Variants in FRMD4B observed in about 807,000 individuals in gnomAD.
The protein encoded by FRMD4B is FERM domain containing 4B.
A neutral mutation model predicts 141.5 loss-of-function variants in FRMD4B; 74 were observed. The ratio of observed to expected loss-of-function variants is 0.52; its 90% CI spans 0.43 to 0.63. The LOEUF is 0.63. Ranked by LOEUF, FRMD4B falls within the 30% of genes least tolerant of loss-of-function variation. FRMD4B has a pLI of 0.00. For synonymous variants in FRMD4B, 506 were observed against 467.9 expected, an observed-to-expected ratio of 1.08 and a Z score of -1.05; for missense variants, 1,366 against 1,253.4, an observed-to-expected ratio of 1.09 and a Z score of -1.36.
intron 1 of FRMD4B, chr3:69,353,513 C>T: frequency 1.1e-6 from 1 of 923,488 alleles, no homozygotes. Context: ...CAGTCTGCAA[C>T]TGGAAGATCA....
intron 1 of FRMD4B, among the ~76,000 whole-genome samples, chr3:69,514,681 C>A (rs1175106062): frequency 7.4e-5 from 10 of 134,658 alleles, no homozygotes; most frequent in Non-Finnish European, 1.4e-4. Flanking sequence ...GAGCAAGACT[C>A]CATCTTAAAT....
intron 1 of FRMD4B, chr3:69,536,440 G>A (rs1168295682): frequency 1.3e-5 from 9 of 707,316 alleles, no homozygotes; most frequent in East Asian, 5.5e-5. Flanking sequence ...GACGTCCACC[G>A]TTGGGTACTT....
intron 1 of FRMD4B, among the ~76,000 whole-genome samples, chr3:69,348,312 T>A (rs1346886878): frequency 6.6e-6 from 1 of 151,906 alleles, no homozygotes; most frequent in Non-Finnish European, 1.5e-5. Context: ...AAAAGACCAA[T>A]AAGAGGCTCT....
chr3:69,333,634 T>C (rs1702450736), intron 1 of FRMD4B, among the ~76,000 whole-genome samples: 1 of 152,246 alleles, frequency 6.6e-6, no homozygotes, highest in African/African-American at 2.4e-5. Flanking sequence ...CAATTGGGAC[T>C]GTTTTTTCCC....
chr3:69,534,273 T>C (rs1701049347), intron 1 of FRMD4B, among the ~76,000 whole-genome samples: 1 of 152,270 alleles, frequency 6.6e-6, no homozygotes, highest in Non-Finnish European at 1.5e-5. Flanking sequence ...AGCCTCATCC[T>C]AAGCAATACT....
In FRMD4B at chr3:69,171,644, C is replaced by T. The variant is rs543555068; in HGVS notation, c.*217G>A. On this transcript the variant is annotated 3_prime_UTR_variant, in exon 23 of 23. Coordinates refer to ENST00000398540, the MANE Select transcript of FRMD4B (RefSeq NM_015123.3). Reference sequence around the variant, plus strand: ...AACATGTGGGCAGACCCTACAGTTACGTTAGTGCCTAGAGTTTGAAAGGCC... The same window carrying T: ...AACATGTGGGCAGACCCTACAGTTATGTTAGTGCCTAGAGTTTGAAAGGCC... 3.0e-4 allele frequency: 154 copies of T among 507,324 alleles called. No homozygotes were observed. Among genetic ancestry groups the T allele is most frequent in the African/African-American group, 2.6e-3 (134 of 51,798 alleles). The allele number at this position is 507,324 out of a possible 1,614,324, so 31.4% of individuals were successfully genotyped here. A position where few individuals can be genotyped will look rare whatever the true frequency, so the allele number is the denominator to read the frequency against.
intron 1 of FRMD4B, chr3:69,353,770 T>C (rs1703232732): frequency 1.1e-6 from 1 of 928,602 alleles, no homozygotes; most frequent in Non-Finnish European, 1.3e-6. Flanking sequence ...ATACTGTTTG[T>C]TTCTTTGATT....
chr3:69,244,738 AC>A (rs1339806166), intron 7 of FRMD4B, among the ~76,000 whole-genome samples: 1 of 151,768 alleles, frequency 6.6e-6, no homozygotes, highest in Non-Finnish European at 1.5e-5. Context: ...TACTAAAAAT[AC>A]AAAAATTAGC....
intron 2 of FRMD4B, among the ~76,000 whole-genome samples, chr3:69,418,444 A>T (rs1704910612): frequency 1.3e-5 from 2 of 152,156 alleles, no homozygotes; most frequent in South Asian, 4.1e-4. Context: ...AGAAGATGGC[A>T]AAGATGATGG....
chr3:69,305,047 T>C (rs1284955932), intron 3 of FRMD4B, among the ~76,000 whole-genome samples: 1 of 152,200 alleles, frequency 6.6e-6, no homozygotes, highest in Non-Finnish European at 1.5e-5. Flanking sequence ...TCTTTATACA[T>C]TAAAGCTATA....
intron 1 of FRMD4B, among the ~76,000 whole-genome samples, chr3:69,500,096 C>A (rs573104730): frequency 6.6e-6 from 1 of 152,328 alleles, no homozygotes; most frequent in East Asian, 1.9e-4. Context: ...TTGCCTTCTA[C>A]AGGCAGAGTA....
In FRMD4B at chr3:69,497,694, A is replaced by G. The variant is rs1308103603; in HGVS notation, c.-129+44512T>C. On this transcript the variant is annotated intron_variant, in intron 1 of 5. Coordinates refer to the FRMD4B transcript ENST00000459638. ...AACAGCAACTATAATTTTTACCATT[A>G]CAGAAGAAAGTGCCCTCATGGAACT... 2.0e-5 allele frequency among the ~76,000 whole-genome samples: 3 copies of G among 152,216 alleles called. No individual in the cohort carries two copies. The East Asian group carries it at 5.8e-4, about 29-fold the overall frequency.
At chr3:69,353,535 C>A in intron 1 of FRMD4B, 1 of 980,028 alleles carries the variant, frequency 1.0e-6, no homozygotes, top group Non-Finnish European at 1.2e-6. Context: ...AAAAAAAAAT[C>A]ATTCTTACCT....
At chr3:69,540,636 A>AAAAAAAAAAAT (rs1553652109) in intron 1 of FRMD4B, among the ~76,000 whole-genome samples, 3 of 69,564 alleles carry the variant, frequency 4.3e-5, no homozygotes, top group African/African-American at 8.3e-5. Flanking sequence ...AAAAAAAAAA[A>AAAAAAAAAAAT]ATATATATAT....
intron 7 of FRMD4B, among the ~76,000 whole-genome samples, chr3:69,243,383 C>G (rs921602786): frequency 1.3e-5 from 2 of 151,968 alleles, no homozygotes; most frequent in African/African-American, 4.8e-5. Context: ...ATGGGCCATG[C>G]GGAGAAAAAA....
intron 1 of FRMD4B, chr3:69,536,703 G>A: frequency 1.5e-6 from 1 of 682,834 alleles, no homozygotes; most frequent in South Asian, 1.5e-5. Context: ...GGCATCAGTA[G>A]TTTTATCCTT....
At chr3:69,237,569 G>T (rs1375980459) in intron 7 of FRMD4B, among the ~76,000 whole-genome samples, 1 of 152,136 alleles carries the variant, frequency 6.6e-6, no homozygotes, top group Non-Finnish European at 1.5e-5. Context: ...CCTTCATGGG[G>T]GTTTAGGTGT....
At chr3:69,447,455 C>T (rs999890586) in intron 1 of FRMD4B, among the ~76,000 whole-genome samples, 5 of 152,086 alleles carry the variant, frequency 3.3e-5, no homozygotes, top group Admixed American at 6.5e-5. Context: ...AACATATATA[C>T]ACAATAAAAT....
chr3:69,310,391 A>G (rs757912702), intron 3 of FRMD4B: 2 of 442,188 alleles, frequency 4.5e-6, no homozygotes, highest in Admixed American at 2.4e-5. Flanking sequence ...GTTGGCCAAC[A>G]TATTTTATGT....
Sources: gnomAD v4.1 joint callset for allele counts (sites outside exome capture counted in the v4.1 genomes callset) on GRCh38, gnomAD v4.1.1 for gene constraint, MANE v1.5 for transcripts, NCBI Gene and HGNC (gene_info 2026-07-23, HGNC 2026-07-21) for gene names.